Variants in DPT observed in about 807,000 individuals in gnomAD.
DPT encodes the protein tyrosine-rich acidic matrix protein.
DPT carries 21 observed loss-of-function variants against 31.2 expected under a neutral mutation model. The observed-to-expected ratio is 0.67, with a 90% confidence interval of 0.48 to 0.97. DPT has a LOEUF of 0.97. Among genes scored for constraint, DPT ranks in the 50% least tolerant of loss-of-function variants. DPT has a pLI of 0.00. For missense variants in DPT, 262 were observed against 258.8 expected (o/e 1.01, Z -0.08); for synonymous variants, 91 against 86.9 (o/e 1.05, Z -0.26).
chr1:168,705,762 C>G (rs1649706165), intron 2 of DPT, among the ~76,000 whole-genome samples: 1 of 152,188 alleles, frequency 6.6e-6, no homozygotes, highest in African/African-American at 2.4e-5. Context: ...TGTGTCTCAC[C>G]CAAATCTCAT....
At chr1:168,727,015 C>G (rs982552980) in intron 1 of DPT, among the ~76,000 whole-genome samples, 1 of 152,224 alleles carries the variant, frequency 6.6e-6, no homozygotes, top group Non-Finnish European at 1.5e-5. Flanking sequence ...CTCCACAGTC[C>G]TGGTAACCAA....
chr1:168,713,624 C>T (rs1347319802), intron 2 of DPT, among the ~76,000 whole-genome samples: 1 of 152,172 alleles, frequency 6.6e-6, no homozygotes, highest in Non-Finnish European at 1.5e-5. Flanking sequence ...AATTGGAAGG[C>T]TAGGTCAGGA....
At chr1:168,722,220 A>T (rs1650131472) in intron 1 of DPT, among the ~76,000 whole-genome samples, 2 of 152,218 alleles carry the variant, frequency 1.3e-5, no homozygotes, top group South Asian at 4.1e-4. Flanking sequence ...ATATTTTTAA[A>T]CAAGAGATCT....
intron 1 of DPT, among the ~76,000 whole-genome samples, 162 bp from the exon 2 acceptor site, chr1:168,714,508 A>G (rs1335252845): frequency 6.6e-6 from 1 of 152,232 alleles, no homozygotes; most frequent in Non-Finnish European, 1.5e-5. Context: ...TGTAGAAATA[A>G]CATAGCCCCT....
intron 2 of DPT, among the ~76,000 whole-genome samples, chr1:168,713,523 A>C (rs7548427): frequency 6.6e-6 from 1 of 152,124 alleles, no homozygotes; most frequent in South Asian, 2.1e-4. Flanking sequence ...TGCCTGGCTC[A>C]TTTTCAGATT....
Position 168,714,201 on chromosome 1 carries a change from T to G in DPT, c.431+20A>C, listed in dbSNP as rs1341894974. 14 of 1,613,914 alleles carry G rather than the reference T, an allele frequency of 8.7e-6. No individual in the cohort carries two copies. The highest frequency in any genetic ancestry group is 1.2e-5 in the Non-Finnish European group (14 of 1,179,964). On this transcript the variant is annotated intron_variant, in intron 2 of 3. Coordinates refer to ENST00000367817, the MANE Select transcript of DPT (RefSeq NM_001937.5). The stretch of plus-strand genomic sequence containing the variant: ...TCCCACCCCAGGAGTCATGAGGGTT[T>G]GGTCGGCTGCCAGACTCACCAGCAG...
At chr1:168,702,159 C>T (rs142634798) in intron 2 of DPT, among the ~76,000 whole-genome samples, 218 of 152,260 alleles carry the variant, frequency 1.4e-3, no homozygotes, top group African/African-American at 4.2e-3. Context: ...ACCCCAGGGA[C>T]GCTTGGAAAA....
chr1:168,702,705 G>A (rs1422822981), intron 2 of DPT, among the ~76,000 whole-genome samples: 1 of 148,352 alleles, frequency 6.7e-6, no homozygotes, highest in Non-Finnish European at 1.5e-5. Flanking sequence ...TCCGCCTCCT[G>A]GGTTCAAGTG....
intron 2 of DPT, among the ~76,000 whole-genome samples, chr1:168,701,529 TA>T (rs1649597343): frequency 6.6e-6 from 1 of 152,148 alleles, no homozygotes; most frequent in Admixed American, 6.5e-5. Flanking sequence ...AGACATAAAA[TA>T]GAAAAGAAAA....
chr1:168,707,396 G>A (rs1286211423), intron 2 of DPT, among the ~76,000 whole-genome samples: 1 of 152,116 alleles, frequency 6.6e-6, no homozygotes, highest in Admixed American at 6.5e-5. Flanking sequence ...ATAGTAGAGG[G>A]AAGCAGACTA....
chr1:168,709,647 C>A (rs190504030), intron 2 of DPT, among the ~76,000 whole-genome samples: 1 of 152,280 alleles, frequency 6.6e-6, no homozygotes, highest in East Asian at 1.9e-4. Context: ...CAAACGCAGG[C>A]GCTAGATATT....
At chr1:168,704,790 T>C (rs612680) in intron 2 of DPT, among the ~76,000 whole-genome samples, 117,628 of 152,198 alleles carry the variant, frequency 0.77, 46,195 homozygotes, top group African/African-American at 0.92. Context: ...TTAATAATAT[T>C]TTACTTATGA....
rs770932865 is a variant in DPT at position 168,710,999 on chromosome 1, C to CT, written c.431+3221dup. Among the ~76,000 whole-genome samples, 943 of 147,504 alleles carry CT rather than the reference C, an allele frequency of 6.4e-3. 7 individuals carry two copies. The highest frequency in any genetic ancestry group is 0.016 in the African/African-American group (629 of 40,024). Reference sequence around the variant, plus strand: ...CTATTTCTTCTGTTTGACAACTTTGCTTTTTTTTTTCTTCTTCTTCTTTTT... The same window carrying CT: ...CTATTTCTTCTGTTTGACAACTTTGCTTTTTTTTTTTCTTCTTCTTCTTTTT... On this transcript the variant is annotated intron_variant, in intron 2 of 3. Coordinates refer to ENST00000367817, the MANE Select transcript of DPT (RefSeq NM_001937.5).
intron 2 of DPT, among the ~76,000 whole-genome samples, chr1:168,708,047 G>C (rs1395301985): frequency 1.3e-5 from 2 of 152,166 alleles, no homozygotes; most frequent in African/African-American, 2.4e-5. Flanking sequence ...TGTAGCATTT[G>C]CACATAACCT....
In DPT at chr1:168,714,301, G is replaced by A. The variant is rs768813462; in HGVS notation, c.351C>T (p.Ser117=). ...GATCCAGCACTGACTCGAAGTAGCG[G>A]CTCTGGAATCCTGCCACCAGCCCAT... ...SNNGLVAGFQ[S]RYFESVLDRE... The change falls in exon 2 of 4, where the codon AGC becomes AGT. Residue 117 remains serine (S), a synonymous_variant. Coordinates refer to ENST00000367817, the MANE Select transcript of DPT (RefSeq NM_001937.5). 3.1e-6 allele frequency: 5 copies of A among 1,614,044 alleles called. No homozygotes were observed. In the East Asian group the frequency reaches 8.9e-5, roughly 29 times the overall value.
chr1:168,711,290 G>C (rs1187137094), intron 2 of DPT, among the ~76,000 whole-genome samples: 2 of 152,020 alleles, frequency 1.3e-5, no homozygotes, highest in Non-Finnish European at 2.9e-5. Flanking sequence ...AAAGTGCTGG[G>C]ATTACAAGTG....
At chr1:168,704,786 ATATTTTACT>A (rs1371896687) in intron 2 of DPT, among the ~76,000 whole-genome samples, 3 of 152,246 alleles carry the variant, frequency 2.0e-5, no homozygotes, top group African/African-American at 7.2e-5. Flanking sequence ...AAAATTAATA[ATATTTTACT>A]TATGAGCTGA....
intron 1 of DPT, among the ~76,000 whole-genome samples, chr1:168,725,744 C>G (rs1045916463): frequency 5.3e-5 from 8 of 152,212 alleles, no homozygotes; most frequent in Non-Finnish European, 8.8e-5. Context: ...ATGGCAACAC[C>G]TTTTAAAGAT....
chr1:168,699,429 C>T lies in DPT; in HGVS notation c.539+1588G>A, dbSNP rs142020957. On this transcript the variant is annotated intron_variant, in intron 3 of 3. Coordinates refer to ENST00000367817, the MANE Select transcript of DPT (RefSeq NM_001937.5). ...TATACTCGTTTCCCTTTCTAATTTG[C>T]TGCTTCTAGAAAATTGGTAACTAAG... Among the ~76,000 whole-genome samples the T allele has an allele frequency of 4.1e-3, 622 of 152,136 alleles. 3 individuals are homozygous for T. Among genetic ancestry groups the T allele is most frequent in the Non-Finnish European group, 7.6e-3 (520 of 67,994 alleles).
Sources: gnomAD v4.1 joint callset for allele counts (sites outside exome capture counted in the v4.1 genomes callset) on GRCh38, gnomAD v4.1.1 for gene constraint, MANE v1.5 for transcripts, NCBI Gene and HGNC (gene_info 2026-07-23, HGNC 2026-07-21) for gene names.